Variants in PLBD2 observed in about 807,000 individuals in gnomAD.
PLBD2 encodes the protein phospholipase B domain containing 2, also known as putative aminopeptidase PLBD2.
A neutral mutation model predicts 68.3 loss-of-function variants in PLBD2; 51 were observed. The observed-to-expected ratio is 0.75, with a 90% CI of 0.60 to 0.94. The LOEUF (loss-of-function observed/expected upper bound fraction) is 0.94. Ranked by LOEUF, PLBD2 falls within the 40% of genes least tolerant of loss-of-function variation. The pLI, the probability that PLBD2 is intolerant of heterozygous loss-of-function variation, is 0.00. For synonymous variants in PLBD2, 314 were observed against 339.3 expected (o/e 0.93, Z 0.82); for missense variants, 729 against 792.2 (o/e 0.92, Z 0.96).
At chr12:113,360,964 G>A (rs1315143475) in intron 1 of PLBD2, among the ~76,000 whole-genome samples, 1 of 152,112 alleles carries the variant, frequency 6.6e-6, no homozygotes, top group African/African-American at 2.4e-5. Context: ...ACGCTCACAT[G>A]CCCCTTTCCC....
At position 113,380,839 on chromosome 12, in the gene PLBD2, G is replaced by T. The variant is rs746029999; in HGVS notation, c.954G>T (p.Gly318=). ...ACGACTTCTACATCCTGGGCAGTGG[G>T]CTGGTGAGTCCCTTTCTCATGTCTC... ...SCDDFYILGS[G]LVTLETTIGN... is the part of the protein sequence containing the mutation. The change falls in exon 6 of 12, where the codon GGG becomes GGT. Residue 318 remains glycine (G), a synonymous_variant. Transcript: ENST00000280800. The T allele has an allele frequency of 1.5e-4, 231 of 1,553,350 alleles. No homozygotes were observed. The highest frequency in any genetic ancestry group is 1.8e-4 in the Non-Finnish European group (210 of 1,148,420).
rs200426485 is a variant in PLBD2 at position 113,374,760 on chromosome 12, G to A, written c.645-33G>A. On this transcript the variant is annotated intron_variant, in intron 4 of 11. Transcript: ENST00000280800. ...GTACATAACAGCACTCACAGCAGGC[G>A]TGGTAACCCTCTGATGCCCTGGCCC... 262 of 1,608,998 alleles carry A rather than the reference G, an allele frequency of 1.6e-4. 2 individuals are homozygous for A. The South Asian group carries it at 2.3e-3, about 14-fold the overall frequency.
At chr12:113,385,312 C>T in intron 9 of PLBD2, 29 bp downstream of exon 9, 1 of 1,604,316 alleles carries the variant, frequency 6.2e-7, no homozygotes, top group Non-Finnish European at 8.5e-7. Flanking sequence ...CGCTCCCCGT[C>T]ACCCTCCAGG....
chr12:113,384,930 A>C lies in PLBD2; in HGVS notation c.1198A>C (p.Ile400Leu), dbSNP rs1424897627. ...GPSPGSRVLT[I>L]LEQIPGMVVV... is the part of the protein sequence containing the mutation. ...CAGCCCCGGGAGCCGGGTGCTTACCATCCTGGAGCAGATCCCGTGCGTACC... is the reference window on the plus strand; with the variant it reads ...CAGCCCCGGGAGCCGGGTGCTTACCCTCCTGGAGCAGATCCCGTGCGTACC... The change falls in exon 8 of 12, where the codon ATC (isoleucine) becomes CTC (leucine). Residue 400 changes from isoleucine to leucine, a missense_variant. By Grantham distance (5) the Ile-to-Leu change is conservative. Transcript: ENST00000280800. This position sits in a 1 kb window ranked among gnomAD's most constrained non-coding sequence, Gnocchi z 4.2. The C allele has an allele frequency of 3.1e-6, 5 of 1,608,268 alleles. No individual in the cohort carries two copies. Among genetic ancestry groups the C allele is most frequent in the Non-Finnish European group, 4.2e-6 (5 of 1,176,792 alleles).
In PLBD2 at chr12:113,384,400, G is replaced by A; in HGVS notation, c.1118+135G>A. On this transcript the variant is annotated intron_variant, in intron 7 of 11. Transcript: ENST00000280800. The surrounding 1 kb of genome is among the most constrained non-coding windows in gnomAD (Gnocchi z 4.2). ...CACGCCCTCCTTTGTTTCATACATG[G>A]GGAGACTGAGGCTAGGGAAGGAAAG... 1 of 1,156,698 alleles carries A rather than the reference G, an allele frequency of 8.6e-7. No homozygotes were observed. Among genetic ancestry groups the A allele is most frequent in the Non-Finnish European group, 1.2e-6 (1 of 840,850 alleles). The allele number at this position is 1,156,698 out of a possible 1,614,324, so 71.7% of individuals were successfully genotyped here. A position where few individuals can be genotyped will look rare whatever the true frequency, so the allele number is the denominator to read the frequency against.
At chr12:113,388,096 CT>C (rs1234506104) in intron 11 of PLBD2, among the ~76,000 whole-genome samples, 190 bp downstream of exon 11, 1 of 152,132 alleles carries the variant, frequency 6.6e-6, no homozygotes, top group Non-Finnish European at 1.5e-5. Flanking sequence ...AATCCCAGCA[CT>C]TTGGGAGCCC....
chr12:113,374,375 C>A, intron 3 of PLBD2, 99 bp from the exon 4 acceptor site: 1 of 805,048 alleles, frequency 1.2e-6, no homozygotes, highest in African/African-American at 1.7e-5. Context: ...GCCTCCTGCT[C>A]TGTCTGAACC....
At chr12:113,364,250 T>C (rs4766685) in intron 1 of PLBD2, among the ~76,000 whole-genome samples, 147,377 of 152,312 alleles carry the variant, frequency 0.97, 71,361 homozygotes, top group East Asian at 1. Flanking sequence ...CTAGAAGGGG[T>C]AGCTCTCACC....
chr12:113,369,275 G>T, intron 2 of PLBD2, 66 bp downstream of exon 2: 1 of 1,380,472 alleles, frequency 7.2e-7, no homozygotes. Flanking sequence ...GTTCCCCAGT[G>T]TGCTTTTGAG....
At chr12:113,374,735 G>C (rs1432089361) in intron 4 of PLBD2, 58 bp from the exon 5 acceptor site, 1 of 1,588,420 alleles carries the variant, frequency 6.3e-7, no homozygotes, top group Non-Finnish European at 8.6e-7. Flanking sequence ...TGCAAAATGA[G>C]TACATAACAG....
At chr12:113,365,125 G>A (rs1330017721) in intron 1 of PLBD2, among the ~76,000 whole-genome samples, 1 of 151,964 alleles carries the variant, frequency 6.6e-6, no homozygotes, top group Non-Finnish European at 1.5e-5. Flanking sequence ...ATACCTCCTT[G>A]CCCCCAACAC....
chr12:113,360,692 C>T (rs1407379521), intron 1 of PLBD2, among the ~76,000 whole-genome samples: 8 of 152,214 alleles, frequency 5.3e-5, no homozygotes, highest in East Asian at 1.9e-4. Flanking sequence ...AGTTTCACTC[C>T]GTTGCCCAGC....
intron 1 of PLBD2, among the ~76,000 whole-genome samples, chr12:113,367,867 A>C (rs2136904002): frequency 6.6e-6 from 1 of 151,920 alleles, no homozygotes. Flanking sequence ...GGATCTCTTG[A>C]GGCCAGGAGT....
intron 6 of PLBD2, among the ~76,000 whole-genome samples, chr12:113,382,868 T>TGTGTGTGTCTGTG (rs1491184280): frequency 8.4e-5 from 7 of 83,506 alleles, no homozygotes; most frequent in African/African-American, 3.2e-4. Flanking sequence ...TGTGTGTGTG[T>TGTGTGTGTCTGTG]TTTTTTTTTT....
At chr12:113,367,891 G>T (rs1957355555) in intron 1 of PLBD2, among the ~76,000 whole-genome samples, 1 of 151,868 alleles carries the variant, frequency 6.6e-6, no homozygotes, top group African/African-American at 2.4e-5. Flanking sequence ...AGACCAGACT[G>T]GCCAACATGG....
intron 1 of PLBD2, among the ~76,000 whole-genome samples, chr12:113,368,577 C>T (rs77373223): frequency 0.037 from 5,575 of 152,262 alleles, 151 homozygotes; most frequent in Middle Eastern, 0.092. Flanking sequence ...CGTGACACAA[C>T]CAAGCCCAAA....
chr12:113,374,445 C>G (rs542401324), intron 3 of PLBD2, 29 bp from the exon 4 acceptor site: 7 of 1,435,580 alleles, frequency 4.9e-6, no homozygotes, highest in Non-Finnish European at 6.7e-6. Context: ...GAGGCCTCAC[C>G]CTCCCTCTGC....
At position 113,384,725 on chromosome 12, in the gene PLBD2, G is replaced by A; in HGVS notation, c.1119-126G>A. On this transcript the variant is annotated intron_variant, in intron 7 of 11. Transcript: ENST00000280800. The surrounding 1 kb of genome is among the most constrained non-coding windows in gnomAD (Gnocchi z 4.2). Reference sequence around the variant, plus strand: ...GTCATGCTGCAGCGTCAGGGTGTCAGTTGAATGGCTGGACAACCCCAGGCC... The same window carrying A: ...GTCATGCTGCAGCGTCAGGGTGTCAATTGAATGGCTGGACAACCCCAGGCC... The A allele has an allele frequency of 1.4e-6, 1 of 713,550 alleles. No individual in the cohort carries two copies. Among genetic ancestry groups the A allele is most frequent in the Non-Finnish European group, 2.4e-6 (1 of 410,162 alleles). The allele number at this position is 713,550 out of a possible 1,614,324, so 44.2% of individuals were successfully genotyped here.
Position 113,388,914 on chromosome 12 carries a change from C to T in PLBD2, c.*288C>T. The stretch of plus-strand genomic sequence containing the variant: ...ACTGCTGCTCTCTCAACCTCATTCC[C>T]ACCTCTGGGGCCCCTTCCTCGTGCT... On this transcript the variant is annotated 3_prime_UTR_variant, in exon 12 of 12. Transcript: ENST00000280800. 1 of 280,218 alleles carries T rather than the reference C, an allele frequency of 3.6e-6. No homozygotes were observed. The highest frequency in any genetic ancestry group is 6.6e-6 in the Non-Finnish European group (1 of 151,370). 17.4% of individuals were successfully genotyped at this position (280,218 alleles called of 1,614,324 possible).
Sources: allele counts gnomAD v4.1 joint callset (sites outside exome capture counted in the v4.1 genomes callset), GRCh38; gene constraint gnomAD v4.1.1; non-coding constraint Gnocchi (gnomAD v3.1); transcripts MANE v1.5; gene names NCBI Gene and HGNC (gene_info 2026-07-23, HGNC 2026-07-21).